SLC12A1: variants seen among roughly 807,000 people sequenced by gnomAD.
SLC12A1 encodes Na-K-2Cl cotransporter.
In SLC12A1, 89 loss-of-function variants were observed where a neutral mutation model predicts 130.4. The observed-to-expected ratio is 0.68, with a 90% CI of 0.58 to 0.81. SLC12A1 has a LOEUF of 0.81. SLC12A1 is among the 40% of genes least tolerant of loss of function. The pLI is 0.00. For missense variants in SLC12A1, 1,310 were observed against 1,336.4 expected (o/e 0.98, Z 0.31); for synonymous variants, 499 against 460.0 (o/e 1.08, Z -1.09).
chr15:48,218,214 G>A (rs2041150060), intron 2 of SLC12A1, among the ~76,000 whole-genome samples: 2 of 152,152 alleles, frequency 1.3e-5, no homozygotes, highest in South Asian at 4.1e-4. Flanking sequence ...TGGTAATTAA[G>A]TGCTGAATCT....
chr15:48,219,039 C>T (rs1398346011), intron 2 of SLC12A1, among the ~76,000 whole-genome samples: 1 of 152,110 alleles, frequency 6.6e-6, no homozygotes, highest in African/African-American at 2.4e-5. Flanking sequence ...AAAGTTTAAA[C>T]CCTTATTTAT....
intron 4 of SLC12A1, chr15:48,223,518 T>C (rs1352794092): frequency 6.6e-6 from 1 of 152,210 alleles, no homozygotes; most frequent in Non-Finnish European, 1.5e-5. Context: ...TGGAGAAATA[T>C]ATACAATGCA....
At chr15:48,298,308 T>C (rs1207720356) in intron 24 of SLC12A1, among the ~76,000 whole-genome samples, 1 of 152,240 alleles carries the variant, frequency 6.6e-6, no homozygotes, top group African/African-American at 2.4e-5. Flanking sequence ...CCATAAATTA[T>C]AAGTTTTACT....
chr15:48,225,910 C>T (rs1388643900), intron 4 of SLC12A1: 4 of 984,960 alleles, frequency 4.1e-6, no homozygotes, highest in Non-Finnish European at 4.8e-6. Context: ...CTGGTTTATC[C>T]ACCTCTGCTA....
intron 11 of SLC12A1, among the ~76,000 whole-genome samples, chr15:48,246,620 G>C (rs1597424314): frequency 6.6e-6 from 1 of 151,976 alleles, no homozygotes; most frequent in Non-Finnish European, 1.5e-5. Flanking sequence ...GTCTCTACTA[G>C]AAATACAAAA....
intron 11 of SLC12A1, among the ~76,000 whole-genome samples, 176 bp from the exon 12 acceptor site, chr15:48,246,733 T>G (rs1456927080): frequency 3.3e-5 from 5 of 152,120 alleles, no homozygotes; most frequent in Non-Finnish European, 7.3e-5. Flanking sequence ...TGAGCCAAGA[T>G]CGTGCCACTG....
chr15:48,227,161 A>C (rs1231207162), intron 5 of SLC12A1: 1 of 1,549,462 alleles, frequency 6.5e-7, no homozygotes, highest in Non-Finnish European at 8.7e-7. Flanking sequence ...GCACGAATGG[A>C]GTAGTAAGAG....
rs1412059914 is a variant in SLC12A1, at chr15:48,255,888, G to T, written c.2020G>T (p.Glu674Ter). The change falls in exon 16 of 27, where the codon GAA becomes TAA. Residue 674 changes from glutamate (E) to a stop codon, truncating the protein, a stop_gained. Transcript: ENST00000380993. LOFTEE classifies it high-confidence loss of function. ...LDNALELTTV[E>*]DHVKNFRPQC... is the part of the protein sequence containing the mutation. ...CAATGCTCTGGAATTAACCACAGTG[G>T]AAGACCACGTAAAAAACTTCAGGTA... The T allele has an allele frequency of 6.3e-7, 1 of 1,599,104 alleles. No individual in the cohort carries two copies. Among genetic ancestry groups the T allele is most frequent in the Non-Finnish European group, 8.5e-7 (1 of 1,172,408 alleles).
chr15:48,215,957 T>A (rs1597397195), intron 2 of SLC12A1, among the ~76,000 whole-genome samples: 1 of 152,160 alleles, frequency 6.6e-6, no homozygotes, highest in African/African-American at 2.4e-5. Flanking sequence ...CGGTGCAGGA[T>A]TTTTTGGCTC....
chr15:48,254,085 G>T (rs555127820), intron 15 of SLC12A1, among the ~76,000 whole-genome samples: 3 of 151,658 alleles, frequency 2.0e-5, no homozygotes, highest in Admixed American at 1.3e-4. Context: ...CTGGATCTGT[G>T]GTTTCTCTAT....
At chr15:48,217,172 C>T (rs1414444930) in intron 2 of SLC12A1, among the ~76,000 whole-genome samples, 3 of 151,942 alleles carry the variant, frequency 2.0e-5, no homozygotes, top group African/African-American at 7.2e-5. Flanking sequence ...GATTCAGTTC[C>T]CTACAAGTTG....
At chr15:48,239,375 G>T (rs544499584) in intron 9 of SLC12A1, among the ~76,000 whole-genome samples, 3 of 151,912 alleles carry the variant, frequency 2.0e-5, no homozygotes, top group African/African-American at 7.3e-5. Flanking sequence ...CTAGCTGGGC[G>T]TGGTGGCACA....
chr15:48,292,310 G>T (rs898447273), intron 24 of SLC12A1, among the ~76,000 whole-genome samples: 1 of 152,038 alleles, frequency 6.6e-6, no homozygotes, highest in Admixed American at 6.6e-5. Flanking sequence ...ACTCTAAAGG[G>T]CCACTTTAGC....
chr15:48,274,704 G>A (rs2041932476), intron 20 of SLC12A1, 51 bp downstream of exon 20: 1 of 1,284,386 alleles, frequency 7.8e-7, no homozygotes, highest in Admixed American at 1.8e-5. Context: ...CACCTACTTT[G>A]TGCCTGACAT....
intron 9 of SLC12A1, among the ~76,000 whole-genome samples, chr15:48,235,918 T>C (rs2041434338): frequency 2.0e-5 from 3 of 152,110 alleles, no homozygotes; most frequent in African/African-American, 4.8e-5. Flanking sequence ...CATGTATCGC[T>C]CCTGCTGACA....
chr15:48,250,133 G>A (rs2279369), intron 14 of SLC12A1, among the ~76,000 whole-genome samples: 19,078 of 152,212 alleles, frequency 0.13, 1,321 homozygotes, highest in Admixed American at 0.17. Flanking sequence ...ATTGATGCTG[G>A]TGGCATCAGT....
Position 48,232,747 on chromosome 15 carries a change from C to T in SLC12A1, c.996C>T (p.Val332=), listed in dbSNP as rs1194227413. The T allele has an allele frequency of 1.2e-6, 2 of 1,610,324 alleles. No homozygotes were observed. The highest frequency in any genetic ancestry group is 2.2e-5 in the South Asian group (2 of 90,996). The change falls in exon 8 of 27, where the codon GTC becomes GTT. Residue 332 remains valine (V), a synonymous_variant. Transcript: ENST00000380993. ...WEAKAQVILL[V]ILLIAIANFF... ...TCCAGGCCCAAGTCATTCTTCTGGT[C>T]ATTCTTCTAATTGCTATTGCAAACT... is the stretch of plus-strand genomic sequence containing the variant.
intron 13 of SLC12A1, among the ~76,000 whole-genome samples, chr15:48,248,874 T>C (rs1349562660): frequency 6.6e-6 from 1 of 152,148 alleles, no homozygotes; most frequent in African/African-American, 2.4e-5. Context: ...TGAAACCTTG[T>C]CTCTACTAAA....
chr15:48,222,393 G>A (rs2041227814), intron 4 of SLC12A1: 2 of 152,122 alleles, frequency 1.3e-5, no homozygotes, highest in South Asian at 2.1e-4. Context: ...TGAGTTTCTT[G>A]CAAAACTGTA....
Sources: allele counts gnomAD v4.1 joint callset (sites outside exome capture counted in the v4.1 genomes callset), GRCh38; gene constraint gnomAD v4.1.1; transcripts MANE v1.5; gene names NCBI Gene and HGNC (gene_info 2026-07-23, HGNC 2026-07-21).